The following FAM13A variants were observed in gnomAD, a reference collection of about 807,000 sequenced individuals.
FAM13A encodes protein FAM13A.
In FAM13A, 76 loss-of-function variants were observed where a neutral mutation model predicts 129.6. The ratio of observed to expected loss-of-function variants is 0.59; its 90% CI spans 0.49 to 0.71. The LOEUF (loss-of-function observed/expected upper bound fraction) is 0.71. Among genes scored for constraint, FAM13A ranks in the 30% least tolerant of loss-of-function variants. The pLI is 0.00. For missense variants in FAM13A, 1,108 were observed against 1,249.3 expected (o/e 0.89, Z 1.70); for synonymous variants, 443 against 449.9 (o/e 0.98, Z 0.20).
intron 6 of FAM13A, among the ~76,000 whole-genome samples, chr4:88,903,869 C>T (rs1466479443): frequency 6.6e-6 from 1 of 152,066 alleles, no homozygotes; most frequent in Admixed American, 6.6e-5. Context: ...ATGTTTGTAA[C>T]TTATCCATCT....
At chr4:88,731,952 G>A (rs112818517) in intron 22 of FAM13A, 50 bp downstream of exon 22, 102,200 of 1,393,310 alleles carry the variant, frequency 0.073, 4,379 homozygotes, top group African/African-American at 0.091. Flanking sequence ...TAATATTTAA[G>A]TGAGCTATTT....
chr4:88,955,391 CTG>C (rs1757590450), intron 4 of FAM13A, among the ~76,000 whole-genome samples: 1 of 152,166 alleles, frequency 6.6e-6, no homozygotes, highest in African/African-American at 2.4e-5. Context: ...CCATGTTGAA[CTG>C]TGAGTCAATT....
Position 88,778,792 on chromosome 4 carries a change from C to T in FAM13A, c.1458+2373G>A, listed in dbSNP as rs139231885. Among the ~76,000 whole-genome samples the T allele has an allele frequency of 6.6e-5, 10 of 152,248 alleles. No individual in the cohort carries two copies. The East Asian group carries it at 1.3e-3, about 21-fold the overall frequency. On this transcript the variant is annotated intron_variant, in intron 11 of 23. Transcript: ENST00000264344. ...ATCTATAAAGACCTATTTAACATGC[C>T]CTGCTTTCCATTCCCTCTTTCACTT... is the stretch of plus-strand genomic sequence containing the variant.
At chr4:88,932,425 T>G (rs1343408388) in intron 5 of FAM13A, among the ~76,000 whole-genome samples, 1 of 152,234 alleles carries the variant, frequency 6.6e-6, no homozygotes, top group Non-Finnish European at 1.5e-5. Flanking sequence ...TGAGTTTGTT[T>G]GTTTCTTTTA....
Position 88,737,010 on chromosome 4 carries a change from T to G in FAM13A, c.2646+462A>C, listed in dbSNP as rs1251112045. Reference sequence around the variant, plus strand: ...AAGTACAATTTTTCATTGTTTTATATGTTTATATATATATTTCCTATGTTA... The same window carrying G: ...AAGTACAATTTTTCATTGTTTTATAGGTTTATATATATATTTCCTATGTTA... On this transcript the variant is annotated intron_variant, in intron 21 of 23. Coordinates refer to ENST00000264344, the MANE Select transcript of FAM13A (RefSeq NM_014883.4). 2.6e-5 allele frequency among the ~76,000 whole-genome samples: 4 copies of G among 152,340 alleles called. No homozygotes were observed. The East Asian group carries it at 5.8e-4, about 22-fold the overall frequency.
chr4:88,946,401 CTTTT>C (rs3067813), intron 4 of FAM13A, among the ~76,000 whole-genome samples: 1 of 91,712 alleles, frequency 1.1e-5, no homozygotes, highest in Admixed American at 1.3e-4. Context: ...CTCCCGCGTT[CTTTT>C]TTTTTTTTTT....
intron 1 of FAM13A, among the ~76,000 whole-genome samples, chr4:89,035,643 T>G (rs1294178588): frequency 6.6e-6 from 1 of 152,134 alleles, no homozygotes; most frequent in Non-Finnish European, 1.5e-5. Flanking sequence ...AAGGGCTGGG[T>G]GGGAGGTGAT....
At chr4:88,977,080 A>C (rs951988232) in intron 4 of FAM13A, among the ~76,000 whole-genome samples, 20 of 152,226 alleles carry the variant, frequency 1.3e-4, no homozygotes, top group African/African-American at 3.6e-4. Flanking sequence ...GAGATATGTC[A>C]CGTAAATATG....
intron 10 of FAM13A, among the ~76,000 whole-genome samples, chr4:88,783,552 G>A (rs1420779933): frequency 6.6e-6 from 1 of 152,106 alleles, no homozygotes; most frequent in Non-Finnish European, 1.5e-5. Flanking sequence ...CCAAAATGCT[G>A]GGATTACAGG....
intron 7 of FAM13A, among the ~76,000 whole-genome samples, chr4:88,807,016 A>G (rs1025906134): frequency 1.3e-5 from 2 of 152,182 alleles, no homozygotes; most frequent in African/African-American, 4.8e-5. Flanking sequence ...CTAAAAACCT[A>G]TAATGATTTT....
intron 6 of FAM13A, among the ~76,000 whole-genome samples, chr4:88,864,886 T>C (rs1275614080): frequency 6.6e-6 from 1 of 152,204 alleles, no homozygotes; most frequent in Non-Finnish European, 1.5e-5. Context: ...GCATAAAACC[T>C]ATGCATAGTA....
chr4:88,789,972 A>C (rs1376304748), intron 9 of FAM13A, among the ~76,000 whole-genome samples: 1 of 152,146 alleles, frequency 6.6e-6, no homozygotes, highest in East Asian at 1.9e-4. Context: ...ACTGGAGTTT[A>C]GGTTTAGTCT....
chr4:88,822,360 C>A (rs988699522), intron 7 of FAM13A, among the ~76,000 whole-genome samples: 1 of 152,112 alleles, frequency 6.6e-6, no homozygotes, highest in East Asian at 1.9e-4. Context: ...CCCCCCAGAC[C>A]CACAATCTAT....
chr4:88,822,934 A>T, intron 7 of FAM13A: 1 of 1,604,562 alleles, frequency 6.2e-7, no homozygotes, highest in Middle Eastern at 1.7e-4. Context: ...GATACAACTC[A>T]AAAAATACAT....
At chr4:89,002,400 A>G (rs1207874756) in intron 3 of FAM13A, among the ~76,000 whole-genome samples, 1 of 152,170 alleles carries the variant, frequency 6.6e-6, no homozygotes, top group Non-Finnish European at 1.5e-5. Flanking sequence ...TGAGATAGTT[A>G]AGGACTAGCA....
At chr4:89,053,214 T>C (rs1771825864) in intron 1 of FAM13A, among the ~76,000 whole-genome samples, 1 of 152,216 alleles carries the variant, frequency 6.6e-6, no homozygotes, top group African/African-American at 2.4e-5. Flanking sequence ...TCCAACAACA[T>C]GTTCCTCATT....
rs559124089 is a variant in FAM13A at position 88,962,615 on chromosome 4, G to A, written c.606-24374C>T. On this transcript the variant is annotated intron_variant, in intron 4 of 23. Coordinates refer to ENST00000264344, the MANE Select transcript of FAM13A (RefSeq NM_014883.4). ...CACTGCTATTTGGTGGGCGGGGAGA[G>A]CGAGAGAGAGAGCATATGTGTCAAC... Among the ~76,000 whole-genome samples, 12 of 152,242 alleles carry A rather than the reference G, an allele frequency of 7.9e-5. No homozygotes were observed. The South Asian group carries it at 2.1e-3, about 26-fold the overall frequency.
At chr4:88,849,793 A>G (rs1180634621) in intron 7 of FAM13A, among the ~76,000 whole-genome samples, 1 of 152,202 alleles carries the variant, frequency 6.6e-6, no homozygotes, top group Non-Finnish European at 1.5e-5. Context: ...CATTTGTTCA[A>G]CGAATGAAAG....
chr4:88,811,399 T>C (rs1008772583), intron 7 of FAM13A, among the ~76,000 whole-genome samples: 3 of 152,178 alleles, frequency 2.0e-5, no homozygotes, highest in Non-Finnish European at 4.4e-5. Flanking sequence ...TGTGGCATTC[T>C]TTATCACCTA....
Sources: gnomAD v4.1 joint callset for allele counts (sites outside exome capture counted in the v4.1 genomes callset) on GRCh38, gnomAD v4.1.1 for gene constraint, MANE v1.5 for transcripts, NCBI Gene and HGNC (gene_info 2026-07-23, HGNC 2026-07-21) for gene names.